Variants in LEO1 observed in about 807,000 individuals in gnomAD.
LEO1 encodes RNA polymerase-associated protein LEO1.
Under a neutral mutation model 80.4 loss-of-function variants are expected in LEO1, and 34 were observed. That is an observed-to-expected ratio of 0.42 (90% CI 0.32 to 0.56). The LOEUF is 0.56. Ranked by LOEUF, LEO1 falls within the 20% of genes least tolerant of loss-of-function variation. LEO1 has a pLI of 0.10. For synonymous variants in LEO1, 262 were observed against 274.9 expected, an observed-to-expected ratio of 0.95 and a Z score of 0.46; for missense variants, 631 against 814.2, an observed-to-expected ratio of 0.77 and a Z score of 2.74.
chr15:51,939,913 CTAA>C (rs1367983740), intron 11 of LEO1, among the ~76,000 whole-genome samples: 1 of 152,206 alleles, frequency 6.6e-6, no homozygotes, highest in Non-Finnish European at 1.5e-5. Context: ...GGCACCAGTC[CTAA>C]TCCATCCTCT....
At chr15:51,959,068 T>A (rs993993911) in intron 5 of LEO1, among the ~76,000 whole-genome samples, 2 of 151,814 alleles carry the variant, frequency 1.3e-5, no homozygotes, top group Non-Finnish European at 2.9e-5. Flanking sequence ...AATGGCACGA[T>A]CTCGGCTCAC....
At chr15:51,951,589 A>G (rs1346656980) in intron 9 of LEO1, among the ~76,000 whole-genome samples, 2 of 152,204 alleles carry the variant, frequency 1.3e-5, no homozygotes, top group Admixed American at 6.5e-5. Context: ...GAAAATTCAG[A>G]TATTTCAATC....
Position 51,971,736 on chromosome 15 carries a change from T to C in LEO1, c.10A>G (p.Met4Val). The C allele has an allele frequency of 6.2e-7, 1 of 1,614,160 alleles. No individual in the cohort carries two copies. The highest frequency in any genetic ancestry group is 1.1e-5 in the South Asian group (1 of 91,082). ...GCGTCGCTCCCGAAGAGATCCTCCA[T>C]ATCCGCCATTATCGCTCACGTCCGC... The part of the protein sequence containing the change: MAD[M>V]EDLFGSDADS... Residue 4 changes from methionine (M) to valine (V), a missense_variant, in exon 1 of 12, where the codon ATG becomes GTG. Met to Val is a conservative substitution (Grantham distance 21). Around this residue, in one of 4 missense-constraint regions of LEO1, gnomAD observed 394 missense variants for 395.6 expected, o/e 1.00. Transcript: ENST00000299601.
At chr15:51,955,240 G>A (rs1401241784) in intron 6 of LEO1, among the ~76,000 whole-genome samples, 1 of 151,974 alleles carries the variant, frequency 6.6e-6, no homozygotes, top group Non-Finnish European at 1.5e-5. Flanking sequence ...GCCCGGCCGA[G>A]GAAGAAATTT....
At position 51,938,301 on chromosome 15, in the gene LEO1, G is replaced by T. The variant is rs757765058; in HGVS notation, c.1897-41C>A. On this transcript the variant is annotated intron_variant, in intron 11 of 11. Coordinates refer to ENST00000299601, the MANE Select transcript of LEO1 (RefSeq NM_138792.4). ...TTTTACAAATCTACAAGTCAATAAA[G>T]AACATTTTTAGGATGGTTTATGAAA... 5 of 1,217,542 alleles carry T rather than the reference G, an allele frequency of 4.1e-6. No individual in the cohort carries two copies. The South Asian group carries it at 6.5e-5, about 16-fold the overall frequency. The allele number at this position is 1,217,542 out of a possible 1,614,324, so 75.4% of individuals were successfully genotyped here.
At chr15:51,968,314 G>A (rs1470006164) in intron 1 of LEO1, among the ~76,000 whole-genome samples, 1 of 152,132 alleles carries the variant, frequency 6.6e-6, no homozygotes, top group African/African-American at 2.4e-5. Flanking sequence ...AGCCCAAGGT[G>A]GGAAGATCAC....
At chr15:51,956,810 T>G (rs947778996) in intron 6 of LEO1, among the ~76,000 whole-genome samples, 13 of 152,112 alleles carry the variant, frequency 8.5e-5, no homozygotes, top group African/African-American at 3.1e-4. Flanking sequence ...AATTTTAGGG[T>G]AAAATACATA....
intron 1 of LEO1, among the ~76,000 whole-genome samples, 173 bp from the exon 2 acceptor site, chr15:51,966,677 G>A (rs957732104): frequency 7.9e-5 from 12 of 152,148 alleles, no homozygotes; most frequent in Middle Eastern, 3.4e-3. Flanking sequence ...TTGGGAAGCC[G>A]AGGCAGGCAG....
chr15:51,954,340 T>C (rs901149978), intron 7 of LEO1, 141 bp downstream of exon 7: 113 of 619,182 alleles, frequency 1.8e-4, no homozygotes, highest in Non-Finnish European at 3.0e-4. Flanking sequence ...TGTTATCATG[T>C]CATTACACTC....
intron 6 of LEO1, 199 bp from the exon 7 acceptor site, chr15:51,954,774 C>T: frequency 3.7e-6 from 2 of 542,748 alleles, no homozygotes; most frequent in Non-Finnish European, 6.6e-6. Context: ...AAAAAATATG[C>T]TTAAGTGAAT....
At chr15:51,950,241 G>A (rs1028531784) in intron 9 of LEO1, among the ~76,000 whole-genome samples, 1 of 152,222 alleles carries the variant, frequency 6.6e-6, no homozygotes, top group Non-Finnish European at 1.5e-5. Context: ...ATTGGCACAG[G>A]TGTGTCCTCG....
chr15:51,971,414 G>C (rs2057121827), intron 1 of LEO1, among the ~76,000 whole-genome samples: 1 of 152,188 alleles, frequency 6.6e-6, no homozygotes. Context: ...GCGCAGGCTC[G>C]CCTGCACTTC....
intron 11 of LEO1, among the ~76,000 whole-genome samples, chr15:51,940,842 A>G (rs1361618800): frequency 6.6e-6 from 1 of 152,146 alleles, no homozygotes; most frequent in African/African-American, 2.4e-5. Context: ...TCGTGCCTAT[A>G]ATCCTAGCAC....
chr15:51,954,723 C>G, intron 6 of LEO1, 148 bp from the exon 7 acceptor site: 1 of 611,410 alleles, frequency 1.6e-6, no homozygotes, highest in Non-Finnish European at 2.9e-6. Flanking sequence ...CTGAAACCCT[C>G]TTTAATCACC....
intron 11 of LEO1, among the ~76,000 whole-genome samples, chr15:51,945,531 T>C (rs892909771): frequency 2.6e-5 from 4 of 152,284 alleles, no homozygotes; most frequent in Admixed American, 2.6e-4. Flanking sequence ...TGAACAGCAT[T>C]TCTAAAAGTA....
At chr15:51,938,576 A>T (rs1179892155) in intron 11 of LEO1, among the ~76,000 whole-genome samples, 3 of 151,936 alleles carry the variant, frequency 2.0e-5, no homozygotes, top group Non-Finnish European at 4.4e-5. Context: ...AATTTCTCAA[A>T]TTTTTTTTCT....
At chr15:51,952,625 G>A (rs1360013192) in intron 8 of LEO1, among the ~76,000 whole-genome samples, 1 of 152,198 alleles carries the variant, frequency 6.6e-6, no homozygotes, top group African/African-American at 2.4e-5. Flanking sequence ...GAGAAGGAAA[G>A]TGCCCTCACC....
intron 11 of LEO1, among the ~76,000 whole-genome samples, chr15:51,939,938 CTG>C (rs2056834242): frequency 6.6e-6 from 1 of 152,196 alleles, no homozygotes; most frequent in African/African-American, 2.4e-5. Context: ...GAGTAAGAAG[CTG>C]TGAAATTCTG....
intron 10 of LEO1, among the ~76,000 whole-genome samples, chr15:51,947,661 G>A (rs1351223955): frequency 6.8e-6 from 1 of 147,942 alleles, no homozygotes; most frequent in African/African-American, 2.6e-5. Flanking sequence ...CTAAAATCAA[G>A]CGATCCTCCT....
Sources: gnomAD v4.1 joint callset for allele counts (sites outside exome capture counted in the v4.1 genomes callset) on GRCh38, gnomAD v4.1.1 for gene constraint, gnomAD v4.1.1 regional missense constraint, MANE v1.5 for transcripts, NCBI Gene and HGNC (gene_info 2026-07-23, HGNC 2026-07-21) for gene names.